The following CDH9 variants were observed in gnomAD, a reference collection of about 807,000 sequenced individuals.
CDH9 encodes the protein cadherin 9.
A neutral mutation model predicts 70.9 loss-of-function variants in CDH9; 28 were observed. The ratio of observed to expected loss-of-function variants is 0.40; its 90% CI spans 0.29 to 0.54. The LOEUF is 0.54. Ranked by LOEUF, CDH9 falls within the 20% of genes least tolerant of loss-of-function variation. The pLI is 0.59. For missense variants in CDH9, 874 were observed against 984.4 expected (o/e 0.89, Z 1.50); for synonymous variants, 409 against 343.1 (o/e 1.19, Z -2.12).
At chr5:26,897,805 ATTGGAAG>A (rs1431693840) in intron 7 of CDH9, among the ~76,000 whole-genome samples, 2 of 151,908 alleles carry the variant, frequency 1.3e-5, no homozygotes, top group East Asian at 3.9e-4. Flanking sequence ...TCAACATAGT[ATTGGAAG>A]TTCAAGCCAG....
Position 26,927,065 on chromosome 5 carries a change from G to T in CDH9, c.229-11141C>A, listed in dbSNP as rs557157595. Among the ~76,000 whole-genome samples the T allele has an allele frequency of 8.5e-5, 13 of 152,048 alleles. No homozygotes were observed. The South Asian group carries it at 2.7e-3, about 32-fold the overall frequency. On this transcript the variant is annotated intron_variant, in intron 2 of 11. Transcript: ENST00000231021. The stretch of plus-strand genomic sequence containing the variant: ...AAAAGAATATTTATCATGTCCAAGT[G>T]GGGTTTATTCCTGGGATGCAAGGAT...
intron 1 of CDH9, among the ~76,000 whole-genome samples, chr5:27,024,877 G>T (rs773198264): frequency 1.3e-5 from 2 of 152,050 alleles, no homozygotes; most frequent in Non-Finnish European, 2.9e-5. Flanking sequence ...GAATGGAGGT[G>T]CAGGAAAGTA....
At chr5:26,997,673 A>C (rs1742689690) in intron 1 of CDH9, among the ~76,000 whole-genome samples, 1 of 151,976 alleles carries the variant, frequency 6.6e-6, no homozygotes, top group Non-Finnish European at 1.5e-5. Context: ...TGATGGAGCA[A>C]GTAGAATTTG....
intron 1 of CDH9, among the ~76,000 whole-genome samples, chr5:27,005,396 G>A (rs1037098725): frequency 5.3e-5 from 8 of 151,758 alleles, no homozygotes; most frequent in African/African-American, 1.9e-4. Context: ...ACATACATGC[G>A]GCCAACAGCA....
At chr5:26,910,845 G>A (rs1001521851) in intron 3 of CDH9, among the ~76,000 whole-genome samples, 6 of 152,172 alleles carry the variant, frequency 3.9e-5, no homozygotes, top group South Asian at 2.1e-4. Context: ...GCCATAGGGC[G>A]ATGACAGCCA....
chr5:27,017,874 T>C (rs1743071829), intron 1 of CDH9, among the ~76,000 whole-genome samples: 1 of 152,020 alleles, frequency 6.6e-6, no homozygotes, highest in East Asian at 1.9e-4. Flanking sequence ...ATTTAATGTA[T>C]ATTATATTGT....
At chr5:26,984,456 T>C (rs754546342) in intron 2 of CDH9, among the ~76,000 whole-genome samples, 5 of 152,134 alleles carry the variant, frequency 3.3e-5, no homozygotes, top group Admixed American at 2.6e-4. Context: ...ATAAAATAAA[T>C]GTGGTTTAAC....
intron 7 of CDH9, among the ~76,000 whole-genome samples, chr5:26,896,509 T>C (rs1740753659): frequency 7.4e-6 from 1 of 135,782 alleles, no homozygotes; most frequent in African/African-American, 2.7e-5. Context: ...CATTATAGAA[T>C]AGAATGAAAT....
chr5:26,908,851 A>AT (rs1215765644), intron 3 of CDH9, among the ~76,000 whole-genome samples: 1 of 152,320 alleles, frequency 6.6e-6, no homozygotes, highest in East Asian at 1.9e-4. Flanking sequence ...TTGATATGTT[A>AT]TTTTTTAGCA....
intron 1 of CDH9, among the ~76,000 whole-genome samples, chr5:27,020,821 G>A (rs945051367): frequency 2.6e-5 from 4 of 151,272 alleles, no homozygotes; most frequent in African/African-American, 9.7e-5. Flanking sequence ...TTTAAGTGTA[G>A]CTAGTACATA....
chr5:26,906,625 AATAATGGTTT>A, intron 4 of CDH9, 84 bp downstream of exon 4: 1 of 1,469,950 alleles, frequency 6.8e-7, no homozygotes, highest in Non-Finnish European at 9.1e-7. Context: ...AAACTGAAAG[AATAATGGTTT>A]TAAAATATTT....
chr5:27,014,122 T>C (rs1356211548), intron 1 of CDH9, among the ~76,000 whole-genome samples: 2 of 151,992 alleles, frequency 1.3e-5, no homozygotes. Context: ...GATATCTTCC[T>C]TTCCTGGTTA....
At chr5:26,993,317 T>C (rs1483766652) in intron 1 of CDH9, among the ~76,000 whole-genome samples, 1 of 152,138 alleles carries the variant, frequency 6.6e-6, no homozygotes, top group Non-Finnish European at 1.5e-5. Context: ...TTGGGAGCAG[T>C]GAAATAGAAT....
intron 2 of CDH9, among the ~76,000 whole-genome samples, chr5:26,954,693 C>G (rs1031473070): frequency 6.6e-6 from 1 of 151,818 alleles, no homozygotes; most frequent in Non-Finnish European, 1.5e-5. Context: ...TCTATAACAG[C>G]CTTTTTTTTA....
In CDH9 at chr5:26,903,806, G is replaced by T. The variant is rs1355743507; in HGVS notation, c.830C>A (p.Ser277Tyr). ...RFPQSTYQFN[S>Y]PESVPLGTHL... ...AGTTCCAAGAGGTACAGACTCAGGA[G>T]AATTAAATTGATACGTACCTATAAA... Residue 277 changes from serine (S) to tyrosine (Y), a missense_variant, in exon 6 of 12, where the codon TCT becomes TAT. Ser to Tyr is a moderately radical substitution (Grantham distance 144). Transcript: ENST00000231021. The T allele has an allele frequency of 6.4e-7, 1 of 1,570,528 alleles. No individual in the cohort carries two copies. The highest frequency in any genetic ancestry group is 1.2e-5 in the South Asian group (1 of 83,286).
intron 2 of CDH9, among the ~76,000 whole-genome samples, chr5:26,938,981 A>G (rs1741610252): frequency 6.6e-6 from 1 of 152,082 alleles, no homozygotes; most frequent in African/African-American, 2.4e-5. Context: ...AGAAATAGTA[A>G]CAACAACAAT....
chr5:26,881,396 C>G lies in CDH9; in HGVS notation c.2110G>C (p.Val704Leu). 4 of 1,613,648 alleles carry G rather than the reference C, an allele frequency of 2.5e-6. No homozygotes were observed. Among genetic ancestry groups the G allele is most frequent in the Non-Finnish European group, 3.4e-6 (4 of 1,179,662 alleles). Residue 704 changes from valine to leucine, a missense_variant, in exon 12 of 12, where the codon GTG becomes CTG. By Grantham distance (32) the Val-to-Leu change is conservative. Transcript: ENST00000231021. ...PETIFQIRRT[V>L]PLWENIDVQD... is the part of the protein sequence containing the mutation. ...ACATCAATATTTTCCCACAGAGGCA[C>G]AGTCCTCCTTATCTGAAAAATAGTT...
At chr5:26,883,132 T>C (rs1037140024) in intron 11 of CDH9, among the ~76,000 whole-genome samples, 1 of 139,834 alleles carries the variant, frequency 7.2e-6, no homozygotes, top group African/African-American at 2.6e-5. Flanking sequence ...TACTCTTCTT[T>C]TAAAAGATGG....
rs1740953069 is a variant in CDH9 at position 26,906,613 on chromosome 5, T to A, written c.643+106A>T. ...TAATGACAGGAAACAAATAGAAACATGAAACTGAAAGAATAATGGTTTTAA... is the reference window on the plus strand; with the variant it reads ...TAATGACAGGAAACAAATAGAAACAAGAAACTGAAAGAATAATGGTTTTAA... On this transcript the variant is annotated intron_variant, in intron 4 of 11. Transcript: ENST00000231021. 4 of 1,411,036 alleles carry A rather than the reference T, an allele frequency of 2.8e-6. No homozygotes were observed. The Admixed American group carries it at 9.3e-5, about 33-fold the overall frequency. 87.4% of individuals were successfully genotyped at this position (1,411,036 alleles called of 1,614,324 possible).
Sources: allele counts gnomAD v4.1 joint callset (sites outside exome capture counted in the v4.1 genomes callset), GRCh38; gene constraint gnomAD v4.1.1; transcripts MANE v1.5; gene names NCBI Gene and HGNC (gene_info 2026-07-23, HGNC 2026-07-21).